Variants in ODC1 observed in about 807,000 individuals in gnomAD.
The protein encoded by ODC1 is ornithine decarboxylase 1.
ODC1 carries 18 observed loss-of-function variants against 41.5 expected under a neutral mutation model. The observed-to-expected ratio is 0.43, with a 90% CI of 0.30 to 0.64. ODC1 has a LOEUF of 0.64. Among genes scored for constraint, ODC1 ranks in the 30% least tolerant of loss-of-function variants. The pLI is 0.11. For synonymous variants in ODC1, 218 were observed against 211.6 expected (o/e 1.03, Z -0.26); for missense variants, 504 against 589.0 (o/e 0.86, Z 1.49).
At chr2:10,443,070 A>T (rs1671883974) in intron 8 of ODC1, among the ~76,000 whole-genome samples, 160 bp downstream of exon 8, 1 of 152,260 alleles carries the variant, frequency 6.6e-6, no homozygotes, top group Admixed American at 6.5e-5. Context: ...ACCAAATGGT[A>T]TCAAGTGTAA....
intron 1 of ODC1, among the ~76,000 whole-genome samples, chr2:10,446,250 C>G (rs1672009528): frequency 6.6e-6 from 1 of 152,006 alleles, no homozygotes. Context: ...TCTCCTGCCT[C>G]AGTCTCCCGA....
intron 8 of ODC1, 109 bp from the exon 9 acceptor site, chr2:10,442,283 C>G: frequency 8.8e-7 from 1 of 1,132,806 alleles, no homozygotes; most frequent in Non-Finnish European, 1.2e-6. Context: ...CAGGCATCAA[C>G]AGACAGGTTT....
rs770509290 is a variant in ODC1 at position 10,441,459 on chromosome 2, A to T, written c.1241+50T>A. ...TCGTCTAGACAAGAAGCACACATCC[A>T]AGAAGGTGCCTATTCTTGGCAGCAC... On this transcript the variant is annotated intron_variant, in intron 11 of 11. Coordinates refer to ENST00000234111, the MANE Select transcript of ODC1 (RefSeq NM_002539.3). 1.0e-5 allele frequency: 16 copies of T among 1,558,048 alleles called. 1 individual carries two copies. In the South Asian group the frequency reaches 1.8e-4, roughly 18 times the overall value.
chr2:10,440,961 T>A (rs1671800523), intron 11 of ODC1, 93 bp from the exon 12 acceptor site: 12 of 561,140 alleles, frequency 2.1e-5, no homozygotes, highest in Non-Finnish European at 2.9e-5. Context: ...ATTCAATGTA[T>A]TTTTTTTTTT....
intron 1 of ODC1, among the ~76,000 whole-genome samples, chr2:10,447,202 A>C (rs1427049879): frequency 6.6e-6 from 1 of 152,162 alleles, no homozygotes; most frequent in African/African-American, 2.4e-5. Context: ...ATTTTACTGA[A>C]GAACACCTTT....
At chr2:10,446,157 G>A (rs1672006470) in intron 1 of ODC1, among the ~76,000 whole-genome samples, 1 of 135,778 alleles carries the variant, frequency 7.4e-6, no homozygotes, top group Admixed American at 7.5e-5. Flanking sequence ...TTTTGAGACA[G>A]AGTTTTACTC....
intron 1 of ODC1, among the ~76,000 whole-genome samples, chr2:10,446,329 G>A (rs189103228): frequency 1.2e-4 from 18 of 152,164 alleles, no homozygotes; most frequent in Admixed American, 3.3e-4. Context: ...TAGTGGAGAT[G>A]GCGTTTCTCC....
At chr2:10,441,307 C>T (rs1671809742) in intron 11 of ODC1, among the ~76,000 whole-genome samples, 2 of 152,246 alleles carry the variant, frequency 1.3e-5, no homozygotes, top group Middle Eastern at 6.8e-3. Flanking sequence ...ATAAGGAAAC[C>T]ACAAGACACA....
intron 1 of ODC1, among the ~76,000 whole-genome samples, chr2:10,446,123 G>T (rs553227527): frequency 4.5e-4 from 67 of 147,552 alleles, no homozygotes; most frequent in Admixed American, 1.8e-3. Flanking sequence ...TACCTGATCA[G>T]AATTCAGTAT....
chr2:10,444,814 T>C (rs190569727), intron 3 of ODC1, 117 bp downstream of exon 3: 82 of 872,382 alleles, frequency 9.4e-5, no homozygotes, highest in Non-Finnish European at 3.4e-5. Context: ...AGTGAATTAA[T>C]TTCTACATTC....
intron 5 of ODC1, 117 bp from the exon 6 acceptor site, chr2:10,443,953 C>T (rs1671927343): frequency 7.4e-6 from 11 of 1,493,088 alleles, no homozygotes; most frequent in Non-Finnish European, 1.0e-5. Context: ...TAGTTTGAGT[C>T]CCAGGCTTCA....
intron 1 of ODC1, among the ~76,000 whole-genome samples, chr2:10,445,557 G>T (rs1239204010): frequency 6.6e-6 from 1 of 152,170 alleles, no homozygotes; most frequent in Non-Finnish European, 1.5e-5. Context: ...TTAGCTCACT[G>T]ATATGGAAAA....
chr2:10,446,374 A>T (rs1301850346), intron 1 of ODC1, among the ~76,000 whole-genome samples: 1 of 152,210 alleles, frequency 6.6e-6, no homozygotes, highest in Non-Finnish European at 1.5e-5. Context: ...TCCCGACCTC[A>T]GGTGATCCGC....
intron 8 of ODC1, 129 bp from the exon 9 acceptor site, chr2:10,442,303 G>C (rs2148067885): frequency 1.0e-6 from 1 of 972,022 alleles, no homozygotes; most frequent in Non-Finnish European, 1.5e-6. Flanking sequence ...TATCATTAAA[G>C]TAACAAAAGC....
rs1671972519 is a variant in ODC1 at position 10,445,225 on chromosome 2, C to CA, written c.-89dup. The stretch of plus-strand genomic sequence containing the variant: ...CACAAAGGCAACTCTCCAGGAATTC[C>CA]AAATCCCTCTGCGTGTGCCCTTGGA... On this transcript the variant is annotated 5_prime_UTR_variant, in exon 2 of 12. Transcript: ENST00000234111. 1.3e-5 allele frequency: 7 copies of CA among 524,466 alleles called. No individual in the cohort carries two copies. The East Asian group carries it at 2.0e-4, about 15-fold the overall frequency. 32.5% of individuals were successfully genotyped at this position (524,466 alleles called of 1,614,324 possible).
intron 11 of ODC1, 127 bp from the exon 12 acceptor site, chr2:10,440,995 T>TG: frequency 9.2e-7 from 1 of 1,086,114 alleles, no homozygotes; most frequent in Non-Finnish European, 1.3e-6. Flanking sequence ...CTTTCTCTGT[T>TG]ACTCAGGCTG....
Position 10,441,736 on chromosome 2 carries a change from A to C in ODC1, c.1027-13T>G. The C allele has an allele frequency of 6.2e-7, 1 of 1,613,718 alleles. No homozygotes were observed. Among genetic ancestry groups the C allele is most frequent in the Non-Finnish European group, 8.5e-7 (1 of 1,179,628 alleles). On this transcript the variant is annotated splice_polypyrimidine_tract_variant and intron_variant, in intron 10 of 11. Transcript: ENST00000234111. ...CTGGTTTAGGTCTCTATATAAAGAG[A>C]CGGAGAGAGGAAGTACTACTTAATT...
rs766818326 is a variant in ODC1, at chr2:10,444,659, G to C, written c.103-12C>G. 6.2e-7 allele frequency: 1 copy of C among 1,605,496 alleles called. No individual in the cohort carries two copies. The highest frequency in any genetic ancestry group is 8.5e-7 in the Non-Finnish European group (1 of 1,175,560). ...GCATCCTTATCATCCTGAAACAAGA[G>C]TGGTCACAGGTGACTCACTAGCAGC... On this transcript the variant is annotated splice_polypyrimidine_tract_variant and intron_variant, in intron 3 of 11. Coordinates refer to ENST00000234111, the MANE Select transcript of ODC1 (RefSeq NM_002539.3).
intron 1 of ODC1, among the ~76,000 whole-genome samples, chr2:10,446,302 G>A (rs1672011436): frequency 6.6e-6 from 1 of 152,086 alleles, no homozygotes; most frequent in African/African-American, 2.4e-5. Flanking sequence ...CCCGGGGCCT[G>A]GCTAATTTTA....
Sources: gnomAD v4.1 joint callset for allele counts (sites outside exome capture counted in the v4.1 genomes callset) on GRCh38, gnomAD v4.1.1 for gene constraint, MANE v1.5 for transcripts, NCBI Gene and HGNC (gene_info 2026-07-23, HGNC 2026-07-21) for gene names.